ALG14: variants seen among roughly 807,000 people sequenced by gnomAD.
ALG14 encodes the protein UDP-N-acetylglucosamine transferase subunit ALG14.
In ALG14, 17 loss-of-function variants were observed where a neutral mutation model predicts 22.8. The ratio of observed to expected loss-of-function variants is 0.75; its 90% CI spans 0.51 to 1.12. The LOEUF (loss-of-function observed/expected upper bound fraction) is 1.12. Ranked by LOEUF, ALG14 falls within the 50% of genes most tolerant of loss-of-function variation. The pLI is 0.00. For missense variants in ALG14, 288 were observed against 271.8 expected, an observed-to-expected ratio of 1.06 and a Z score of -0.42; for synonymous variants, 89 against 103.7, an observed-to-expected ratio of 0.86 and a Z score of 0.86.
intron 2 of ALG14, among the ~76,000 whole-genome samples, chr1:95,031,289 C>A (rs1673992766): frequency 6.6e-6 from 1 of 152,142 alleles, no homozygotes. Flanking sequence ...TTCAGCACAG[C>A]CTGAAGAGTC....
intron 3 of ALG14, among the ~76,000 whole-genome samples, chr1:95,025,312 A>G (rs1673780661): frequency 6.6e-6 from 1 of 152,234 alleles, no homozygotes; most frequent in South Asian, 2.1e-4. Flanking sequence ...TGGGTTTAAA[A>G]TATTCAGCAA....
At chr1:95,036,029 C>T (rs1471239302) in intron 2 of ALG14, 1 of 152,112 alleles carries the variant, frequency 6.6e-6, no homozygotes, top group East Asian at 1.9e-4. Flanking sequence ...ATCAAGATGA[C>T]CATAATTTAC....
chr1:95,026,661 G>A (rs1040955811), intron 3 of ALG14, among the ~76,000 whole-genome samples: 6 of 138,038 alleles, frequency 4.3e-5, no homozygotes, highest in Admixed American at 2.1e-4. Context: ...AGGCGCAGTG[G>A]CTCATGCCTG....
At chr1:94,989,206 C>T (rs534500071) in intron 3 of ALG14, among the ~76,000 whole-genome samples, 1 of 152,206 alleles carries the variant, frequency 6.6e-6, no homozygotes, top group African/African-American at 2.4e-5. Context: ...AATCTGTGAT[C>T]CCTAAAGTTT....
chr1:94,991,764 C>T (rs575304077), intron 3 of ALG14, among the ~76,000 whole-genome samples: 5 of 152,196 alleles, frequency 3.3e-5, no homozygotes, highest in Non-Finnish European at 2.9e-5. Flanking sequence ...ACTTTATAAA[C>T]TTTTAAATTT....
At chr1:94,991,491 A>G (rs751961291) in intron 3 of ALG14, among the ~76,000 whole-genome samples, 5 of 152,170 alleles carry the variant, frequency 3.3e-5, no homozygotes, top group Non-Finnish European at 7.3e-5. Flanking sequence ...ACATCTAAAC[A>G]TAGAGAAAGT....
intron 2 of ALG14, among the ~76,000 whole-genome samples, chr1:95,053,795 C>G (rs1674834010): frequency 6.6e-6 from 1 of 152,116 alleles, no homozygotes; most frequent in Admixed American, 6.6e-5. Flanking sequence ...ATGACTTGAA[C>G]AATGCAGTAA....
intron 1 of ALG14, among the ~76,000 whole-genome samples, chr1:95,071,942 T>C (rs1675580259): frequency 6.6e-6 from 1 of 152,248 alleles, no homozygotes; most frequent in Non-Finnish European, 1.5e-5. Context: ...GCTGTATCTT[T>C]GCATCTCTCA....
At chr1:95,004,959 C>T (rs1673176773) in intron 3 of ALG14, among the ~76,000 whole-genome samples, 1 of 152,124 alleles carries the variant, frequency 6.6e-6, no homozygotes, top group Non-Finnish European at 1.5e-5. Context: ...GTGCATGCCA[C>T]CATGCCTGGC....
rs575179910 is a variant in ALG14, at chr1:94,983,894, A to G, written c.421-588T>C. 5.6e-3 allele frequency among the ~76,000 whole-genome samples: 849 copies of G among 151,904 alleles called. 4 individuals are homozygous for G. Among genetic ancestry groups the G allele is most frequent in the African/African-American group, 0.019 (803 of 41,406 alleles). Reference sequence around the variant, plus strand: ...GTAGCTGGGACTACAGGCGCCCGCCACCACACCCGGCTAATTTTTTTTTGT... The same window carrying G: ...GTAGCTGGGACTACAGGCGCCCGCCGCCACACCCGGCTAATTTTTTTTTGT... On this transcript the variant is annotated intron_variant, in intron 3 of 3. Transcript: ENST00000370205.
At chr1:95,003,342 C>T (rs1673116577) in intron 3 of ALG14, among the ~76,000 whole-genome samples, 1 of 152,014 alleles carries the variant, frequency 6.6e-6, no homozygotes, top group Admixed American at 6.6e-5. Flanking sequence ...AGATACAAGT[C>T]AAAGTCCAAA....
In ALG14 at chr1:95,040,086, A is replaced by C. The variant is rs533703117; in HGVS notation, c.289-12826T>G. 1.8e-4 allele frequency among the ~76,000 whole-genome samples: 28 copies of C among 152,002 alleles called. No individual in the cohort carries two copies. In the South Asian group the frequency reaches 4.6e-3, roughly 25 times the overall value. On this transcript the variant is annotated intron_variant, in intron 2 of 3. Coordinates refer to ENST00000370205, the MANE Select transcript of ALG14 (RefSeq NM_144988.4). ...ACTGGGGAGGTTGAGGTGGGTGGAT[A>C]GCTTAAGCCTGGGAGGAAGAGGTTG...
chr1:95,018,485 G>C (rs1049051243), intron 3 of ALG14, among the ~76,000 whole-genome samples: 2 of 151,960 alleles, frequency 1.3e-5, no homozygotes, highest in African/African-American at 2.4e-5. Context: ...GCAGTAAGCC[G>C]AGCTCATGTC....
At chr1:95,006,593 C>T (rs1205141359) in intron 3 of ALG14, among the ~76,000 whole-genome samples, 4 of 152,190 alleles carry the variant, frequency 2.6e-5, no homozygotes, top group Non-Finnish European at 4.4e-5. Flanking sequence ...TGATATCCTC[C>T]GTTAGAATAA....
At position 94,983,101 on chromosome 1, in the gene ALG14, G is replaced by A. The variant is rs754944986; in HGVS notation, c.626C>T (p.Ser209Leu). 1.5e-5 allele frequency: 24 copies of A among 1,613,972 alleles called. No homozygotes were observed. The highest frequency in any genetic ancestry group is 1.9e-5 in the Non-Finnish European group (22 of 1,180,014). ...WPALKEKYPK[S>L]VYLGRIV Reference sequence around the variant, plus strand: ...TCAAACAATTCGCCCAAGGTACACCGATTTGGGATACTTTTCTTTCAGAGC... The same window carrying A: ...TCAAACAATTCGCCCAAGGTACACCAATTTGGGATACTTTTCTTTCAGAGC... The change falls in exon 4 of 4, where the codon TCG becomes TTG. Residue 209 changes from serine to leucine, a missense_variant. By Grantham distance (145) the Ser-to-Leu change is moderately radical (BLOSUM62 -2). Transcript: ENST00000370205.
chr1:95,046,855 T>C (rs995525913), intron 2 of ALG14, among the ~76,000 whole-genome samples: 4 of 152,002 alleles, frequency 2.6e-5, no homozygotes, highest in Non-Finnish European at 5.9e-5. Context: ...CTCAACACTT[T>C]GGGAGGCTGA....
At chr1:94,986,353 A>C (rs893593959) in intron 3 of ALG14, among the ~76,000 whole-genome samples, 2 of 152,220 alleles carry the variant, frequency 1.3e-5, no homozygotes, top group African/African-American at 2.4e-5. Flanking sequence ...AGGAAGAAGC[A>C]AGGGAGTATA....
At chr1:95,037,775 T>C (rs1674246153) in intron 2 of ALG14, among the ~76,000 whole-genome samples, 1 of 152,150 alleles carries the variant, frequency 6.6e-6, no homozygotes, top group South Asian at 2.1e-4. Flanking sequence ...ATAAAATATA[T>C]ATATTAAAAT....
chr1:95,005,389 G>A (rs1487191789), intron 3 of ALG14, among the ~76,000 whole-genome samples: 1 of 146,678 alleles, frequency 6.8e-6, no homozygotes, highest in East Asian at 1.9e-4. Flanking sequence ...CCAGAGTCAG[G>A]ACATGTTTCT....
Sources: allele counts gnomAD v4.1 joint callset (sites outside exome capture counted in the v4.1 genomes callset), GRCh38; gene constraint gnomAD v4.1.1; transcripts MANE v1.5; gene names NCBI Gene and HGNC (gene_info 2026-07-23, HGNC 2026-07-21).